The following EFR3B variants were observed in gnomAD, a reference collection of about 807,000 sequenced individuals.
EFR3B encodes protein EFR3 homolog B.
Under a neutral mutation model 104.7 loss-of-function variants are expected in EFR3B, and 64 were observed. The ratio of observed to expected loss-of-function variants is 0.61; its 90% CI spans 0.50 to 0.75. The LOEUF is 0.75. EFR3B is among the 30% of genes least tolerant of loss of function. The pLI is 0.00. For synonymous variants in EFR3B, 385 were observed against 417.9 expected (o/e 0.92, Z 0.96); for missense variants, 750 against 1,078.5 (o/e 0.70, Z 4.27).
At chr2:25,102,737 G>T (rs1669459318) in intron 3 of EFR3B, among the ~76,000 whole-genome samples, 1 of 152,114 alleles carries the variant, frequency 6.6e-6, no homozygotes, top group Admixed American at 6.6e-5. Context: ...ATTGCTATTG[G>T]ATGTTGTGTA....
intron 21 of EFR3B, 105 bp from the exon 22 acceptor site, chr2:25,153,607 T>C: frequency 8.7e-7 from 1 of 1,151,896 alleles, no homozygotes; most frequent in South Asian, 1.3e-5. Context: ...CCTAAGGCTG[T>C]GGCTGCCCTG....
At chr2:25,122,824 G>A (rs1196248223) in intron 5 of EFR3B, among the ~76,000 whole-genome samples, 1 of 152,058 alleles carries the variant, frequency 6.6e-6, no homozygotes, top group Admixed American at 6.6e-5. Context: ...TTCCCACTGG[G>A]ATGTAAGCTC....
intron 4 of EFR3B, among the ~76,000 whole-genome samples, chr2:25,118,311 G>A (rs1558608759): frequency 6.6e-6 from 1 of 152,184 alleles, no homozygotes; most frequent in Non-Finnish European, 1.5e-5. Context: ...GCACATATGA[G>A]TGAGATCAGG....
At chr2:25,061,935 A>C in intron 1 of EFR3B, among the ~76,000 whole-genome samples, 1 of 152,084 alleles carries the variant, frequency 6.6e-6, no homozygotes, top group Non-Finnish European at 1.5e-5. Flanking sequence ...GGATGATTTA[A>C]ATTTTCTTTT....
Position 25,155,609 on chromosome 2 carries a change from G to GC in EFR3B, c.*1273dup, listed in dbSNP as rs996969933. 1 of 152,214 alleles carries GC rather than the reference G, an allele frequency of 6.6e-6. No individual in the cohort carries two copies. Among genetic ancestry groups the GC allele is most frequent in the Admixed American group, 6.5e-5 (1 of 15,280 alleles). The allele number at this position is 152,214 out of a possible 1,614,324, so 9.4% of individuals were successfully genotyped here. On this transcript the variant is annotated 3_prime_UTR_variant, in exon 23 of 23. Transcript: ENST00000403714. ...CCTTCTTTGCCAATTCCCCTTCCCG[G>GC]CCCCTCCTCCAGGTGCCTTTGTGTC...
chr2:25,066,915 G>C (rs1028919412), intron 1 of EFR3B, among the ~76,000 whole-genome samples: 6 of 152,160 alleles, frequency 3.9e-5, no homozygotes, highest in African/African-American at 1.4e-4. Context: ...TTAACTCCAA[G>C]ATTCCAAATC....
intron 1 of EFR3B, among the ~76,000 whole-genome samples, chr2:25,090,012 C>T (rs539113504): frequency 6.6e-6 from 1 of 151,434 alleles, no homozygotes; most frequent in South Asian, 2.1e-4. Flanking sequence ...CATCCCCCTC[C>T]CAATCAAAAC....
intron 4 of EFR3B, among the ~76,000 whole-genome samples, chr2:25,117,699 A>G (rs1476668927): frequency 1.3e-5 from 2 of 152,062 alleles, no homozygotes; most frequent in African/African-American, 2.4e-5. Flanking sequence ...GGCATGAGCC[A>G]CCGTGCCCGG....
intron 17 of EFR3B, among the ~76,000 whole-genome samples, chr2:25,143,061 C>T (rs1670717526): frequency 6.7e-6 from 1 of 149,502 alleles, no homozygotes; most frequent in African/African-American, 2.5e-5. Flanking sequence ...TCCTGGCTAA[C>T]ATGGTGAAAC....
chr2:25,090,593 T>A (rs962513047), intron 1 of EFR3B, among the ~76,000 whole-genome samples: 1 of 152,204 alleles, frequency 6.6e-6, no homozygotes, highest in Non-Finnish European at 1.5e-5. Flanking sequence ...GGGGCCAGCA[T>A]TTGAGAACCA....
chr2:25,121,708 G>A lies in EFR3B; in HGVS notation c.399G>A (p.Pro133=), dbSNP rs761002563. Residue 133 remains proline (P), a synonymous_variant, in exon 5 of 23, where the codon CCG becomes CCA. Coordinates refer to ENST00000403714, the MANE Select transcript of EFR3B (RefSeq NM_014971.2). ...TTGCCAACATCGAGGAGGACACCCC[G>A]TCCTATCACCGGAGCTATGACTTCT... ...VKFANIEEDT[P]SYHRSYDFFV... 65 of 1,551,550 alleles carry A rather than the reference G, an allele frequency of 4.2e-5. No individual in the cohort carries two copies. The highest frequency in any genetic ancestry group is 2.6e-4 in the African/African-American group (19 of 73,018).
chr2:25,132,846 C>T, intron 10 of EFR3B, 57 bp from the exon 11 acceptor site: 1 of 1,435,224 alleles, frequency 7.0e-7, no homozygotes, highest in Non-Finnish European at 9.6e-7. Context: ...AAGGCTGAAC[C>T]AGGAGGGGCC....
chr2:25,083,940 G>A (rs1313482850), intron 1 of EFR3B, among the ~76,000 whole-genome samples: 1 of 152,118 alleles, frequency 6.6e-6, no homozygotes, highest in Non-Finnish European at 1.5e-5. Context: ...TGACCTAGTG[G>A]TTCTCTTTCC....
At chr2:25,138,692 A>G (rs1670583615) in intron 15 of EFR3B, among the ~76,000 whole-genome samples, 2 of 152,158 alleles carry the variant, frequency 1.3e-5, no homozygotes, top group Non-Finnish European at 2.9e-5. Flanking sequence ...TAGCAAGCCA[A>G]TCCAGTCCTC....
At chr2:25,126,886 A>G (rs1558612658) in intron 5 of EFR3B, among the ~76,000 whole-genome samples, 1 of 152,034 alleles carries the variant, frequency 6.6e-6, no homozygotes, top group Non-Finnish European at 1.5e-5. Context: ...TGCCCATCAT[A>G]GCATTATTAT....
chr2:25,106,686 G>A (rs865779436), intron 4 of EFR3B, among the ~76,000 whole-genome samples: 3 of 151,776 alleles, frequency 2.0e-5, no homozygotes, highest in Admixed American at 6.6e-5. Context: ...CAAGTGATCC[G>A]CCTGCCTCGG....
intron 22 of EFR3B, 69 bp downstream of exon 22, chr2:25,153,830 C>T (rs1671085627): frequency 7.0e-7 from 1 of 1,437,064 alleles, no homozygotes; most frequent in African/African-American, 1.4e-5. Context: ...CATCCTGAGT[C>T]CTCTCACCCC....
intron 4 of EFR3B, 79 bp downstream of exon 4, chr2:25,103,866 G>A (rs1669492825): frequency 8.6e-6 from 13 of 1,515,588 alleles, no homozygotes; most frequent in South Asian, 3.8e-5. Flanking sequence ...CCTCGGGGTC[G>A]GCACTGTCAT....
intron 3 of EFR3B, among the ~76,000 whole-genome samples, chr2:25,093,550 G>C (rs977431793): frequency 6.6e-6 from 1 of 152,100 alleles, no homozygotes; most frequent in Non-Finnish European, 1.5e-5. Flanking sequence ...GAAAACTGGG[G>C]ACTGGGGCTA....
Sources: allele counts gnomAD v4.1 joint callset (sites outside exome capture counted in the v4.1 genomes callset), GRCh38; gene constraint gnomAD v4.1.1; transcripts MANE v1.5; gene names NCBI Gene and HGNC (gene_info 2026-07-23, HGNC 2026-07-21).